RBFOX1: variants seen among roughly 807,000 people sequenced by gnomAD.
The protein encoded by RBFOX1 is RNA binding fox-1 homolog 1, also known as RNA binding protein fox-1 homolog 1.
Under a neutral mutation model 57.7 loss-of-function variants are expected in RBFOX1, and 8 were observed. That is an observed-to-expected ratio of 0.14 (90% CI 0.08 to 0.25). RBFOX1 has a LOEUF of 0.25. RBFOX1 is among the 10% of genes least tolerant of loss of function. The probability of loss-of-function intolerance (pLI) is 1.00; values close to 1 mark genes in which losing one functional copy is unlikely to be tolerated. For missense variants in RBFOX1, 611 were observed against 548.5 expected, an observed-to-expected ratio of 1.11 and a Z score of -1.14; for synonymous variants, 326 against 222.4, an observed-to-expected ratio of 1.47 and a Z score of -4.15.
At chr16:5,375,171 G>A (rs757011547) in intron 1 of RBFOX1, among the ~76,000 whole-genome samples, 3 of 151,952 alleles carry the variant, frequency 2.0e-5, no homozygotes, top group Non-Finnish European at 4.4e-5. Context: ...TCTCTTCGAG[G>A]GACTTCTCAG....
In RBFOX1 at chr16:6,242,076, C is replaced by T. The variant is rs1376996604; in HGVS notation, c.-126-74919C>T. On this transcript the variant is annotated intron_variant, in intron 1 of 15. Coordinates refer to ENST00000550418, the MANE Select transcript of RBFOX1 (RefSeq NM_018723.4). ...GAAATTGAATTCCAGGCAGCTAATG[C>T]ACCTCCCAAAGGTGGTTTTTAATGT... Among the ~76,000 whole-genome samples the T allele has an allele frequency of 2.6e-5, 4 of 152,120 alleles. No homozygotes were observed. The South Asian group carries it at 6.2e-4, about 24-fold the overall frequency.
In RBFOX1 at chr16:6,542,461, C is replaced by T. The variant is rs144826760; in HGVS notation, c.-63-112142C>T. Among the ~76,000 whole-genome samples the T allele has an allele frequency of 1.8e-4, 25 of 138,636 alleles. No homozygotes were observed. The South Asian group carries it at 2.4e-3, about 13-fold the overall frequency. 91.0% of individuals were successfully genotyped at this position (138,636 alleles called of 152,430 possible). On this transcript the variant is annotated intron_variant, in intron 2 of 15. Coordinates refer to ENST00000550418, the MANE Select transcript of RBFOX1 (RefSeq NM_018723.4). Reference sequence around the variant, plus strand: ...TCTCAGTGGATAATCGCATGATCCACTGCCCTGTGTGGGACCATAGTCTTT... The same window carrying T: ...TCTCAGTGGATAATCGCATGATCCATTGCCCTGTGTGGGACCATAGTCTTT...
intron 1 of RBFOX1, among the ~76,000 whole-genome samples, chr16:5,290,682 A>G (rs886356675): frequency 1.0e-4 from 15 of 148,880 alleles, no homozygotes; most frequent in Non-Finnish European, 2.1e-4. Context: ...GTTGATAGGC[A>G]TAGAGCAGAT....
At chr16:6,176,796 A>C (rs926386328) in intron 1 of RBFOX1, among the ~76,000 whole-genome samples, 8 of 152,142 alleles carry the variant, frequency 5.3e-5, no homozygotes, top group African/African-American at 1.9e-4. Context: ...AATTGTGTTA[A>C]ATGTCTTTTG....
chr16:7,162,758 C>G (rs980620449), intron 4 of RBFOX1, among the ~76,000 whole-genome samples: 8 of 151,930 alleles, frequency 5.3e-5, no homozygotes, highest in South Asian at 2.1e-4. Context: ...TTCATGATTT[C>G]TAGATAAATA....
chr16:6,280,301 C>T (rs1056550926), intron 1 of RBFOX1, among the ~76,000 whole-genome samples: 1 of 152,154 alleles, frequency 6.6e-6, no homozygotes, highest in Non-Finnish European at 1.5e-5. Context: ...CTTCTCACAA[C>T]TTCTGGGGCT....
At chr16:5,670,190 T>C (rs1358852528) in intron 3 of RBFOX1, among the ~76,000 whole-genome samples, 1 of 152,072 alleles carries the variant, frequency 6.6e-6, no homozygotes, top group Non-Finnish European at 1.5e-5. Flanking sequence ...GGGAGGGGTT[T>C]TGAGGAGTGG....
chr16:7,165,963 C>CACACACACACAT (rs1251061172), intron 4 of RBFOX1, among the ~76,000 whole-genome samples: 17 of 76,136 alleles, frequency 2.2e-4, no homozygotes, highest in African/African-American at 5.6e-4. Context: ...CACACACACA[C>CACACACACACAT]ACATACATAC....
At chr16:5,976,897 A>G (rs1026989083) in intron 4 of RBFOX1, among the ~76,000 whole-genome samples, 6 of 152,188 alleles carry the variant, frequency 3.9e-5, no homozygotes, top group African/African-American at 1.2e-4. Context: ...CTTGCTAAAG[A>G]TGATAAAGCA....
At chr16:5,621,996 C>T (rs779418191) in intron 3 of RBFOX1, among the ~76,000 whole-genome samples, 12 of 152,268 alleles carry the variant, frequency 7.9e-5, no homozygotes, top group Admixed American at 7.2e-4. Context: ...ACCTTGGCCA[C>T]GTGTCAAAAG....
At chr16:7,165,958 A>G (rs958877634) in intron 4 of RBFOX1, among the ~76,000 whole-genome samples, 54 of 99,718 alleles carry the variant, frequency 5.4e-4, no homozygotes, top group African/African-American at 2.4e-3. Flanking sequence ...ACACACACAC[A>G]CACACACATA....
intron 3 of RBFOX1, among the ~76,000 whole-genome samples, chr16:5,747,131 A>T (rs150662266): frequency 6.6e-6 from 1 of 152,132 alleles, no homozygotes; most frequent in Admixed American, 6.5e-5. Flanking sequence ...TTCTGCATCT[A>T]TTGAGATAAT....
intron 1 of RBFOX1, among the ~76,000 whole-genome samples, chr16:5,375,320 T>C (rs918810057): frequency 6.6e-6 from 1 of 152,102 alleles, no homozygotes; most frequent in African/African-American, 2.4e-5. Flanking sequence ...AAAACTGTTC[T>C]AGGGAGCGGG....
At chr16:7,149,859 T>C (rs2152272459) in intron 4 of RBFOX1, among the ~76,000 whole-genome samples, 1 of 152,338 alleles carries the variant, frequency 6.6e-6, no homozygotes, top group East Asian at 1.9e-4. Context: ...CACCTCTTCC[T>C]TAATGTAGCC....
intron 4 of RBFOX1, among the ~76,000 whole-genome samples, chr16:5,912,680 C>T (rs1326506662): frequency 6.6e-6 from 1 of 152,040 alleles, no homozygotes; most frequent in Non-Finnish European, 1.5e-5. Context: ...TAAATCAGTG[C>T]AGTAATTTAA....
intron 3 of RBFOX1, among the ~76,000 whole-genome samples, chr16:6,953,869 C>T (rs184482463): frequency 6.6e-5 from 10 of 152,242 alleles, no homozygotes; most frequent in East Asian, 3.9e-4. Flanking sequence ...TGCCCATTGG[C>T]GGCCAAAGCC....
intron 1 of RBFOX1, among the ~76,000 whole-genome samples, chr16:6,098,558 C>T (rs191990673): frequency 2.2e-3 from 340 of 152,328 alleles, no homozygotes; most frequent in Non-Finnish European, 4.2e-3. Context: ...ATTATAGAAG[C>T]ATTAGTCCTG....
chr16:5,462,160 C>A (rs1326914199), intron 1 of RBFOX1, among the ~76,000 whole-genome samples: 2 of 107,222 alleles, frequency 1.9e-5, no homozygotes, highest in Non-Finnish European at 3.6e-5. Flanking sequence ...GAGTTTCTTT[C>A]TTTCTTTCTT....
At chr16:5,671,970 A>T (rs1002193339) in intron 3 of RBFOX1, among the ~76,000 whole-genome samples, 1 of 152,184 alleles carries the variant, frequency 6.6e-6, no homozygotes, top group African/African-American at 2.4e-5. Flanking sequence ...AAAGTGATGA[A>T]GAATAAAAGC....
Sources: gnomAD v4.1 joint callset for allele counts (sites outside exome capture counted in the v4.1 genomes callset) on GRCh38, gnomAD v4.1.1 for gene constraint, MANE v1.5 for transcripts, NCBI Gene and HGNC (gene_info 2026-07-23, HGNC 2026-07-21) for gene names.